ARHGEF28: variants seen among roughly 807,000 people sequenced by gnomAD.
The protein encoded by ARHGEF28 is Rho guanine nucleotide exchange factor 28, also known as 190 kDa guanine nucleotide exchange factor.
Under a neutral mutation model 206.6 loss-of-function variants are expected in ARHGEF28, and 152 were observed. The observed-to-expected ratio is 0.74, with a 90% CI of 0.64 to 0.84. ARHGEF28 has a LOEUF of 0.84. Ranked by LOEUF, ARHGEF28 falls within the 40% of genes least tolerant of loss-of-function variation. The pLI, the probability that ARHGEF28 is intolerant of heterozygous loss-of-function variation, is 0.00. For synonymous variants in ARHGEF28, 763 were observed against 776.4 expected (o/e 0.98, Z 0.29); for missense variants, 2,028 against 2,073.2 (o/e 0.98, Z 0.42).
intron 1 of ARHGEF28, among the ~76,000 whole-genome samples, chr5:73,676,458 C>G (rs528473657): frequency 6.6e-6 from 1 of 152,094 alleles, no homozygotes; most frequent in Non-Finnish European, 1.5e-5. Flanking sequence ...AGACTGGTCT[C>G]GAACTCCTGA....
chr5:73,886,268 A>G (rs144380299), intron 25 of ARHGEF28, among the ~76,000 whole-genome samples, 164 bp downstream of exon 25: 72 of 152,366 alleles, frequency 4.7e-4, no homozygotes, highest in Middle Eastern at 3.4e-3. Flanking sequence ...AATTTGGCCA[A>G]TGATACAAAT....
At position 73,650,957 on chromosome 5, in the gene ARHGEF28, C is replaced by T. The variant is rs760734665; in HGVS notation, c.-12+24635C>T. On this transcript the variant is annotated intron_variant, in intron 1 of 35. Transcript: ENST00000513042. The stretch of plus-strand genomic sequence containing the variant: ...TATCCAAAGAAAAAGCTTTTGTAAA[C>T]GTGTCCCAACAACTAGTGCTTGGAG... 6.7e-4 allele frequency among the ~76,000 whole-genome samples: 102 copies of T among 152,162 alleles called. 1 individual carries two copies. Among genetic ancestry groups the T allele is most frequent in the Admixed American group, 2.3e-3 (35 of 15,268 alleles).
intron 7 of ARHGEF28, among the ~76,000 whole-genome samples, chr5:73,790,051 A>G (rs928465925): frequency 2.6e-5 from 4 of 152,202 alleles, no homozygotes; most frequent in Non-Finnish European, 1.5e-5. Flanking sequence ...TAGGCACACC[A>G]TGGAGAATGG....
intron 1 of ARHGEF28, among the ~76,000 whole-genome samples, chr5:73,683,331 A>G (rs993736270): frequency 2.6e-5 from 4 of 152,158 alleles, no homozygotes; most frequent in Admixed American, 6.5e-5. Flanking sequence ...CTGAAAGTCC[A>G]TATCCAATAA....
intron 2 of ARHGEF28, among the ~76,000 whole-genome samples, chr5:73,719,412 GAAAAAA>G (rs34402245): frequency 8.8e-6 from 1 of 114,088 alleles, no homozygotes; most frequent in African/African-American, 3.0e-5. Flanking sequence ...CTCCGTCTCA[GAAAAAA>G]AAAAAAAAAA....
rs553692069 is a variant in ARHGEF28 at position 73,874,185 on chromosome 5, C to T, written c.2814+939C>T. Among the ~76,000 whole-genome samples the T allele has an allele frequency of 2.6e-5, 4 of 152,040 alleles. No homozygotes were observed. In the South Asian group the frequency reaches 6.2e-4, roughly 24 times the overall value. On this transcript the variant is annotated intron_variant, in intron 22 of 35. Transcript: ENST00000513042. ...CTATATATCCCTTTCAGTGAAATTT[C>T]TGTTTATGTCTTTTGCTGATTTTCT...
chr5:73,750,116 G>A, intron 3 of ARHGEF28, 132 bp downstream of exon 3: 2 of 943,646 alleles, frequency 2.1e-6, no homozygotes, highest in Non-Finnish European at 3.1e-6. Flanking sequence ...GTGCGTGCCT[G>A]TGTGTGTATG....
At chr5:73,761,117 G>A (rs1230300311) in intron 4 of ARHGEF28, among the ~76,000 whole-genome samples, 2 of 144,660 alleles carry the variant, frequency 1.4e-5, no homozygotes, top group Non-Finnish European at 3.1e-5. Flanking sequence ...GGTTTTTGAA[G>A]TCCCATTCCT....
Position 73,709,496 on chromosome 5 carries a change from G to T in ARHGEF28, c.33+24612G>T, listed in dbSNP as rs184722354. Among the ~76,000 whole-genome samples, 129 of 152,292 alleles carry T rather than the reference G, an allele frequency of 8.5e-4. 2 individuals carry two copies. Among genetic ancestry groups the T allele is most frequent in the Non-Finnish European group, 2.8e-4 (19 of 68,028 alleles). On this transcript the variant is annotated intron_variant, in intron 2 of 35. Coordinates refer to ENST00000513042, the MANE Select transcript of ARHGEF28 (RefSeq NM_001177693.2). ...AACAAAGGGGGATGAATGCAGAAAT[G>T]AAGACAAAGCTTGTTCCTATTGAGC...
intron 1 of ARHGEF28, among the ~76,000 whole-genome samples, chr5:73,663,739 T>C (rs1745768546): frequency 6.6e-6 from 1 of 152,220 alleles, no homozygotes; most frequent in Non-Finnish European, 1.5e-5. Flanking sequence ...TAAAAATAAA[T>C]ATTTGTTAGT....
intron 13 of ARHGEF28, among the ~76,000 whole-genome samples, chr5:73,851,488 A>G (rs1758702446): frequency 6.6e-6 from 1 of 151,322 alleles, no homozygotes; most frequent in Non-Finnish European, 1.5e-5. Flanking sequence ...ATCCAGTTTT[A>G]TAATTCCCTT....
At position 73,941,008 on chromosome 5, in the gene ARHGEF28, C is replaced by T. The variant is rs138061478; in HGVS notation, c.5113C>T (p.Leu1705Phe). 52 of 1,492,736 alleles carry T rather than the reference C, an allele frequency of 3.5e-5. No individual in the cohort carries two copies. In the East Asian group the frequency reaches 6.3e-4, roughly 18 times the overall value. 92.5% of individuals were successfully genotyped at this position (1,492,736 alleles called of 1,614,324 possible). A position where few individuals can be genotyped will look rare whatever the true frequency, so the allele number is the denominator to read the frequency against. Reference protein sequence around the residue: ...GDGAKENIVYL With the variant: ...GDGAKENIVYF ...TGGAGCCAAAGAAAATATTGTTTAC[C>T]TCTAATTGTGTTGTCATTTTTCCAA... The change falls in exon 36 of 36, where the codon CTC (leucine) becomes TTC (phenylalanine). Residue 1705 changes from leucine (L) to phenylalanine (F), a missense_variant. Around this residue, in one of 3 missense-constraint regions of ARHGEF28, gnomAD observed 803 missense variants for 768.0 expected, o/e 1.05. Transcript: ENST00000513042.
intron 28 of ARHGEF28, among the ~76,000 whole-genome samples, chr5:73,893,922 G>A (rs1030807543): frequency 1.3e-5 from 2 of 152,100 alleles, no homozygotes; most frequent in Non-Finnish European, 2.9e-5. Context: ...TGAAATCTGA[G>A]GACAATGATG....
At chr5:73,785,026 G>A (rs1172328921) in intron 7 of ARHGEF28, among the ~76,000 whole-genome samples, 3 of 152,154 alleles carry the variant, frequency 2.0e-5, no homozygotes, top group Admixed American at 6.5e-5. Context: ...GGGAAGGAGT[G>A]AGATATCATG....
chr5:73,827,898 G>C (rs1205212152), intron 9 of ARHGEF28: 1 of 152,018 alleles, frequency 6.6e-6, no homozygotes, highest in Non-Finnish European at 1.5e-5. Context: ...GTCCATTTTT[G>C]GGGTCAATAA....
intron 21 of ARHGEF28, among the ~76,000 whole-genome samples, chr5:73,871,775 G>A (rs573374073): frequency 2.0e-5 from 3 of 152,200 alleles, no homozygotes; most frequent in East Asian, 1.9e-4. Context: ...TACCCCTTCC[G>A]CCAGCCTCTG....
intron 2 of ARHGEF28, among the ~76,000 whole-genome samples, chr5:73,705,549 T>C (rs1415460583): frequency 1.3e-5 from 2 of 152,186 alleles, no homozygotes; most frequent in African/African-American, 2.4e-5. Context: ...TGATTAGCAC[T>C]GTCCTTCTTG....
rs919027178 is a variant in ARHGEF28, at chr5:73,815,108, G to A, written c.1025-17230G>A. ...AACAGACTGAAAAAAATTTCAACAC[G>A]AAAGCCTGTGTATCTTTGGTGGATA... On this transcript the variant is annotated intron_variant, in intron 9 of 35. Coordinates refer to ENST00000513042, the MANE Select transcript of ARHGEF28 (RefSeq NM_001177693.2). Among the ~76,000 whole-genome samples the A allele has an allele frequency of 6.6e-5, 10 of 151,580 alleles. 1 individual carries two copies. The highest frequency in any genetic ancestry group is 4.6e-4 in the Admixed American group (7 of 15,224).
At chr5:73,662,353 ATAAGT>A (rs952014070) in intron 1 of ARHGEF28, among the ~76,000 whole-genome samples, 2 of 152,210 alleles carry the variant, frequency 1.3e-5, no homozygotes, top group African/African-American at 4.8e-5. Context: ...GGATTTGAGG[ATAAGT>A]TAATACTGTG....
Sources: gnomAD v4.1 joint callset for allele counts (sites outside exome capture counted in the v4.1 genomes callset) on GRCh38, gnomAD v4.1.1 for gene constraint, gnomAD v4.1.1 regional missense constraint, MANE v1.5 for transcripts, NCBI Gene and HGNC (gene_info 2026-07-23, HGNC 2026-07-21) for gene names.